FHIT: variants seen among roughly 807,000 people sequenced by gnomAD.
The protein encoded by FHIT is fragile histidine triad diadenosine triphosphatase.
A neutral mutation model predicts 17.9 loss-of-function variants in FHIT; 19 were observed. The ratio of observed to expected loss-of-function variants is 1.06; its 90% CI spans 0.74 to 1.56. The LOEUF is 1.56. FHIT is among the 40% of genes most tolerant of loss of function. FHIT has a pLI of 0.00. For missense variants in FHIT, 248 were observed against 189.2 expected (o/e 1.31, Z -1.82); for synonymous variants, 81 against 69.7 (o/e 1.16, Z -0.81).
Position 60,186,819 on chromosome 3 carries a change from T to C in FHIT, c.104-172667A>G, listed in dbSNP as rs1342857462. Among the ~76,000 whole-genome samples the C allele has an allele frequency of 5.3e-5, 8 of 151,756 alleles. No individual in the cohort carries two copies. In the East Asian group the frequency reaches 1.5e-3, roughly 29 times the overall value. On this transcript the variant is annotated intron_variant, in intron 5 of 9. Coordinates refer to ENST00000492590, the MANE Select transcript of FHIT (RefSeq NM_002012.4). ...ATGGATGTTTTTATTGTATTTGTTT[T>C]TTTTTTTAACAAATACCACCATCTT...
intron 5 of FHIT, among the ~76,000 whole-genome samples, chr3:60,456,975 G>C (rs929455329): frequency 6.6e-6 from 1 of 152,254 alleles, no homozygotes; most frequent in Non-Finnish European, 1.5e-5. Flanking sequence ...TGGGTAGGAA[G>C]AATCAATATC....
intron 5 of FHIT, among the ~76,000 whole-genome samples, chr3:60,151,585 C>G (rs1700466155): frequency 6.6e-6 from 1 of 152,040 alleles, no homozygotes; most frequent in African/African-American, 2.4e-5. Flanking sequence ...TTTGATTTGC[C>G]CCATCCCTAT....
chr3:61,174,924 G>C (rs2107146110), intron 2 of FHIT, among the ~76,000 whole-genome samples: 1 of 152,242 alleles, frequency 6.6e-6, no homozygotes, highest in East Asian at 1.9e-4. Context: ...AGTCAGCTGG[G>C]TTCCAGTCAT....
At position 59,897,149 on chromosome 3, in the gene FHIT, C is replaced by G. The variant is rs756985131; in HGVS notation, c.348+25197G>C. Among the ~76,000 whole-genome samples the G allele has an allele frequency of 8.5e-5, 13 of 152,248 alleles. No homozygotes were observed. In the Middle Eastern group the frequency reaches 0.01, roughly 120 times the overall value. On this transcript the variant is annotated intron_variant, in intron 8 of 9. Transcript: ENST00000492590. ...GGGGTATCTGTGTCCTTATTTACAC[C>G]ACAGCTGAGTCTAAAAGAACTTTCT... is the stretch of plus-strand genomic sequence containing the variant.
At chr3:61,045,559 T>C (rs1019165903) in intron 2 of FHIT, among the ~76,000 whole-genome samples, 1 of 152,142 alleles carries the variant, frequency 6.6e-6, no homozygotes, top group Admixed American at 6.5e-5. Flanking sequence ...AATACCCCAC[T>C]GTCAACATTA....
At chr3:60,699,729 A>C (rs1378839718) in intron 4 of FHIT, among the ~76,000 whole-genome samples, 4 of 151,864 alleles carry the variant, frequency 2.6e-5, no homozygotes, top group South Asian at 2.1e-4. Context: ...TTAAAGTACA[A>C]CACCATTAGG....
At chr3:60,205,288 T>C (rs1319408213) in intron 5 of FHIT, among the ~76,000 whole-genome samples, 1 of 152,138 alleles carries the variant, frequency 6.6e-6, no homozygotes, top group African/African-American at 2.4e-5. Context: ...ATGAGTAATA[T>C]TCCATTTTTG....
chr3:59,802,065 T>A (rs982045710), intron 8 of FHIT, among the ~76,000 whole-genome samples: 1 of 152,208 alleles, frequency 6.6e-6, no homozygotes, highest in Non-Finnish European at 1.5e-5. Context: ...CTTGGTGTAG[T>A]ATATGCCACA....
intron 8 of FHIT, among the ~76,000 whole-genome samples, chr3:59,851,914 G>A (rs1701954673): frequency 6.6e-6 from 1 of 152,186 alleles, no homozygotes; most frequent in South Asian, 2.1e-4. Context: ...GAGAAAAAGA[G>A]TAGTCACACA....
chr3:61,065,945 G>A (rs7631974), intron 2 of FHIT, among the ~76,000 whole-genome samples: 83,451 of 151,918 alleles, frequency 0.55, 24,039 homozygotes, highest in Non-Finnish European at 0.65. Context: ...GCTATAACAG[G>A]ACCTGAGACT....
intron 7 of FHIT, among the ~76,000 whole-genome samples, chr3:60,003,681 G>T (rs999555749): frequency 1.3e-5 from 2 of 151,096 alleles, no homozygotes; most frequent in Non-Finnish European, 3.0e-5. Flanking sequence ...GGAGGCAGAG[G>T]TTTTAATAAG....
chr3:60,556,389 C>A lies in FHIT; in HGVS notation c.-17-19410G>T, dbSNP rs148932891. Among the ~76,000 whole-genome samples the A allele has an allele frequency of 1.6e-4, 24 of 152,298 alleles. No homozygotes were observed. In the East Asian group the frequency reaches 4.6e-3, roughly 29 times the overall value. On this transcript the variant is annotated intron_variant, in intron 4 of 9. Transcript: ENST00000492590. ...TTTATATAGTTAACGAGGGAAGATG[C>A]AACTGATCCAAAATCCATCTCTTCC...
At chr3:60,190,111 C>G (rs1050652842) in intron 5 of FHIT, among the ~76,000 whole-genome samples, 1 of 152,152 alleles carries the variant, frequency 6.6e-6, no homozygotes, top group Non-Finnish European at 1.5e-5. Flanking sequence ...AAACATCATA[C>G]AGAAGCCAAC....
At chr3:60,199,888 A>G (rs1421002010) in intron 5 of FHIT, among the ~76,000 whole-genome samples, 3 of 152,124 alleles carry the variant, frequency 2.0e-5, no homozygotes, top group African/African-American at 7.2e-5. Flanking sequence ...ATAGGGGACT[A>G]AAAATGTGAA....
chr3:60,938,398 C>A (rs1186107291), intron 3 of FHIT, among the ~76,000 whole-genome samples: 1 of 152,168 alleles, frequency 6.6e-6, no homozygotes, highest in Non-Finnish European at 1.5e-5. Context: ...TCTCAACACA[C>A]AGTATGGAAT....
At chr3:60,201,319 G>C (rs1222869168) in intron 5 of FHIT, among the ~76,000 whole-genome samples, 2 of 152,024 alleles carry the variant, frequency 1.3e-5, no homozygotes, top group Non-Finnish European at 2.9e-5. Flanking sequence ...TTGTGGGTTT[G>C]TATTTCTGAG....
chr3:60,285,514 C>T (rs1485146294), intron 5 of FHIT, among the ~76,000 whole-genome samples: 2 of 152,088 alleles, frequency 1.3e-5, no homozygotes, highest in East Asian at 1.9e-4. Context: ...TTTCACTTGT[C>T]TACTTGGCTA....
chr3:60,691,520 C>T (rs1160309615), intron 4 of FHIT, among the ~76,000 whole-genome samples: 3 of 152,028 alleles, frequency 2.0e-5, no homozygotes, highest in African/African-American at 7.2e-5. Flanking sequence ...CAGGTGTGTG[C>T]CACCACACCT....
At chr3:60,662,673 T>C (rs2040286040) in intron 4 of FHIT, among the ~76,000 whole-genome samples, 1 of 152,180 alleles carries the variant, frequency 6.6e-6, no homozygotes, top group African/African-American at 2.4e-5. Context: ...ATTCTATCCA[T>C]CCCTGAACAT....
Sources: allele counts gnomAD v4.1 joint callset (sites outside exome capture counted in the v4.1 genomes callset), GRCh38; gene constraint gnomAD v4.1.1; transcripts MANE v1.5; gene names NCBI Gene and HGNC (gene_info 2026-07-23, HGNC 2026-07-21).